The following NBEAL1 variants were observed in gnomAD, a reference collection of about 807,000 sequenced individuals.
NBEAL1 encodes neurobeachin like 1.
Under a neutral mutation model 351.3 loss-of-function variants are expected in NBEAL1, and 273 were observed. That is an observed-to-expected ratio of 0.78 (90% confidence interval 0.70 to 0.86). The LOEUF is 0.86. NBEAL1 is among the 40% of genes least tolerant of loss of function. The pLI is 0.00. For missense variants in NBEAL1, 2,961 were observed against 3,201.3 expected (o/e 0.92, Z 1.81); for synonymous variants, 1,050 against 1,086.4 (o/e 0.97, Z 0.66).
In NBEAL1 at chr2:203,180,394, A is replaced by T; in HGVS notation, c.6477A>T (p.Ala2159=). The T allele has an allele frequency of 3.7e-6, 6 of 1,610,494 alleles. No homozygotes were observed. The highest frequency in any genetic ancestry group is 5.1e-6 in the Non-Finnish European group (6 of 1,178,856). The change falls in exon 43 of 56, where the codon GCA becomes GCT. Residue 2159 remains alanine, a synonymous_variant. Transcript: ENST00000683969. ...IQLQSGRFDC[A]DRQFHSIPAT... Reference sequence around the variant, plus strand: ...TTTCTACATGCAGGTTTGACTGTGCAGATCGACAGTTCCATTCTATTCCTG... The same window carrying T: ...TTTCTACATGCAGGTTTGACTGTGCTGATCGACAGTTCCATTCTATTCCTG...
At chr2:203,039,211 T>C (rs1300704229) in intron 2 of NBEAL1, among the ~76,000 whole-genome samples, 5 of 117,252 alleles carry the variant, frequency 4.3e-5, no homozygotes, top group African/African-American at 1.6e-4. Context: ...TTTCCTTTCC[T>C]TTCCTTTCCC....
At chr2:203,109,582 C>T (rs1361525404) in intron 14 of NBEAL1, among the ~76,000 whole-genome samples, 2 of 152,050 alleles carry the variant, frequency 1.3e-5, no homozygotes, top group East Asian at 3.9e-4. Context: ...TGCAGTGGCA[C>T]GATCTCAGCC....
chr2:203,085,756 A>C (rs2061951403), intron 10 of NBEAL1: 1 of 152,198 alleles, frequency 6.6e-6, no homozygotes, highest in South Asian at 2.1e-4. Flanking sequence ...TTGTAAATGG[A>C]AACATTGATA....
intron 36 of NBEAL1, among the ~76,000 whole-genome samples, chr2:203,159,992 A>G (rs2063902453): frequency 6.6e-6 from 1 of 151,060 alleles, no homozygotes. Flanking sequence ...GTACCTAATA[A>G]TGTTGAGCAT....
chr2:203,190,677 T>C, intron 46 of NBEAL1: 1 of 239,066 alleles, frequency 4.2e-6, no homozygotes, highest in Non-Finnish European at 6.4e-6. Flanking sequence ...AAACCCAGTC[T>C]TAAGAATCAA....
intron 6 of NBEAL1, among the ~76,000 whole-genome samples, chr2:203,063,460 G>A (rs1401519500): frequency 6.7e-6 from 1 of 149,848 alleles, no homozygotes; most frequent in Non-Finnish European, 1.5e-5. Flanking sequence ...GAGGGAGGGA[G>A]GGAGGGAGGG....
At chr2:203,023,935 G>A (rs1050311323) in intron 2 of NBEAL1, among the ~76,000 whole-genome samples, 8 of 152,120 alleles carry the variant, frequency 5.3e-5, no homozygotes, top group Non-Finnish European at 1.0e-4. Flanking sequence ...GTGAGATCAC[G>A]TCTCTGTTAT....
Position 203,218,999 on chromosome 2 carries a change from T to C in NBEAL1, c.*1645T>C, listed in dbSNP as rs577420822. ...GTCTTTTCTTAAGACTTCAGGAATT[T>C]GTATTGAACAAAGTCTCAAGTTAAG... On this transcript the variant is annotated 3_prime_UTR_variant, in exon 56 of 56. Transcript: ENST00000683969. 6.6e-6 allele frequency: 1 copy of C among 152,300 alleles called. No homozygotes were observed. Among genetic ancestry groups the C allele is most frequent in the South Asian group, 2.1e-4 (1 of 4,830 alleles). The allele number at this position is 152,300 out of a possible 1,614,324, so 9.4% of individuals were successfully genotyped here. A position where few individuals can be genotyped will look rare whatever the true frequency, so the allele number is the denominator to read the frequency against.
chr2:203,148,715 G>A (rs1302146497), intron 33 of NBEAL1, among the ~76,000 whole-genome samples: 1 of 151,400 alleles, frequency 6.6e-6, no homozygotes, highest in Admixed American at 6.6e-5. Flanking sequence ...AAAGTTCTGT[G>A]TTGAGGCACT....
chr2:203,122,220 T>TGG (rs1285004382), intron 18 of NBEAL1, 34 bp from the exon 19 acceptor site: 1 of 1,209,928 alleles, frequency 8.3e-7, no homozygotes, highest in Admixed American at 2.5e-5. Flanking sequence ...TTTGTTCTAA[T>TGG]TGGTTGTTTG....
intron 51 of NBEAL1, among the ~76,000 whole-genome samples, chr2:203,204,526 A>T (rs2065499331): frequency 1.3e-5 from 2 of 150,940 alleles, no homozygotes; most frequent in East Asian, 2.0e-4. Flanking sequence ...AGAGAAAATG[A>T]TTGTCTCTGC....
intron 36 of NBEAL1, among the ~76,000 whole-genome samples, chr2:203,164,861 CTTT>C (rs36031308): frequency 3.0e-5 from 4 of 133,264 alleles, no homozygotes; most frequent in Admixed American, 1.6e-4. Context: ...TCCCATTTCT[CTTT>C]TTTTTTTTTT....
At chr2:203,083,144 T>C in intron 8 of NBEAL1, 75 bp from the exon 9 acceptor site, 1 of 1,324,246 alleles carries the variant, frequency 7.6e-7, no homozygotes, top group Non-Finnish European at 1.0e-6. Context: ...TGCAGATGTA[T>C]TAAATTCTCA....
chr2:203,127,852 TTAAA>T lies in NBEAL1; in HGVS notation c.3323_3326del (p.Lys1108IlefsTer19). ...ATAAGGACTTCTTTGTATGGACTAA[TTAAA>T]TATTTTCTGTGCAAAGGTGGATCTC... is the stretch of plus-strand genomic sequence containing the variant. On this transcript the variant is annotated frameshift_variant, in exon 24 of 56. Transcript: ENST00000683969. LOFTEE classifies it high-confidence loss of function. 6.5e-7 allele frequency: 1 copy of T among 1,545,524 alleles called. No individual in the cohort carries two copies. The highest frequency in any genetic ancestry group is 8.8e-7 in the Non-Finnish European group (1 of 1,139,684).
intron 41 of NBEAL1, among the ~76,000 whole-genome samples, chr2:203,174,743 T>C (rs534368953): frequency 2.0e-5 from 3 of 151,752 alleles, no homozygotes; most frequent in Admixed American, 2.0e-4. Context: ...ATAGAAAAAT[T>C]AGCTGGGCGT....
intron 12 of NBEAL1, among the ~76,000 whole-genome samples, chr2:203,101,815 G>A (rs988427790): frequency 6.6e-6 from 1 of 152,014 alleles, no homozygotes; most frequent in African/African-American, 2.4e-5. Context: ...AGGCTGGTCT[G>A]GAACTCCTGA....
chr2:203,136,408 T>C (rs1164845218), intron 28 of NBEAL1, among the ~76,000 whole-genome samples, 156 bp downstream of exon 28: 3 of 152,232 alleles, frequency 2.0e-5, no homozygotes, highest in Non-Finnish European at 4.4e-5. Flanking sequence ...AGTCACTAGA[T>C]TGTGAGTTTT....
intron 12 of NBEAL1, among the ~76,000 whole-genome samples, chr2:203,100,429 A>G (rs375046274): frequency 1.3e-5 from 2 of 152,312 alleles, no homozygotes; most frequent in East Asian, 3.9e-4. Flanking sequence ...TGATGTTTTA[A>G]TAATAGCCAT....
chr2:203,049,012 AT>A (rs1056089889), intron 3 of NBEAL1, among the ~76,000 whole-genome samples: 89 of 144,916 alleles, frequency 6.1e-4, no homozygotes, highest in Admixed American at 6.9e-4. Context: ...CAGTTGACAA[AT>A]TTTTTTTTTT....
Sources: gnomAD v4.1 joint callset for allele counts (sites outside exome capture counted in the v4.1 genomes callset) on GRCh38, gnomAD v4.1.1 for gene constraint, MANE v1.5 for transcripts, NCBI Gene and HGNC (gene_info 2026-07-23, HGNC 2026-07-21) for gene names.